TF: variants seen among roughly 807,000 people sequenced by gnomAD.
The protein encoded by TF is serotransferrin.
Under a neutral mutation model 82.4 loss-of-function variants are expected in TF, and 55 were observed. The observed-to-expected ratio is 0.67, with a 90% CI of 0.54 to 0.84. The LOEUF (loss-of-function observed/expected upper bound fraction) is 0.84, where lower values mean the gene tolerates loss of function less well. Ranked by LOEUF, TF falls within the 40% of genes least tolerant of loss-of-function variation. The pLI, the probability that TF is intolerant of heterozygous loss-of-function variation, is 0.00. For missense variants in TF, 737 were observed against 868.4 expected, an observed-to-expected ratio of 0.85 and a Z score of 1.90; for synonymous variants, 332 against 332.6, an observed-to-expected ratio of 1.00 and a Z score of 0.02.
the TF span, among the ~76,000 whole-genome samples, chr3:133,735,856 A>G: frequency 2.6e-5 from 4 of 152,292 alleles, no homozygotes; most frequent in East Asian, 7.7e-4. Context: ...TGACAGGGAG[A>G]ATGGAACCAA....
chr3:133,749,812 G>C (rs192109856), intron 2 of TF, among the ~76,000 whole-genome samples: 4 of 152,316 alleles, frequency 2.6e-5, no homozygotes, highest in African/African-American at 9.6e-5. Context: ...GACAGTGGGG[G>C]AAAGAGCTAG....
chr3:133,763,599 T>A (rs1173062055), intron 9 of TF, among the ~76,000 whole-genome samples: 1 of 152,244 alleles, frequency 6.6e-6, no homozygotes, highest in Non-Finnish European at 1.5e-5. Flanking sequence ...TACTAGAAAG[T>A]ATATTGCCAG....
the TF span, among the ~76,000 whole-genome samples, chr3:133,695,457 A>G: frequency 2.0e-5 from 3 of 152,138 alleles, no homozygotes; most frequent in African/African-American, 7.2e-5. Context: ...CATGTTGCCC[A>G]GAATGGTCTT....
At chr3:133,729,643 C>T in the TF span, among the ~76,000 whole-genome samples, 5 of 152,192 alleles carry the variant, frequency 3.3e-5, no homozygotes, top group East Asian at 1.9e-4. Flanking sequence ...TGTTTCGGCT[C>T]GTGCACAGTG....
intron 14 of TF, chr3:133,774,189 T>C (rs970852252): frequency 3.3e-5 from 5 of 152,168 alleles, no homozygotes; most frequent in Non-Finnish European, 5.9e-5. Context: ...GCTGAGAACA[T>C]AGTATCATAG....
chr3:133,672,190 TCTAG>T, the TF span, among the ~76,000 whole-genome samples: 1 of 152,196 alleles, frequency 6.6e-6, no homozygotes, highest in Non-Finnish European at 1.5e-5. Context: ...TGGATATTTC[TCTAG>T]CTATTTAAGA....
the TF span, among the ~76,000 whole-genome samples, chr3:133,728,532 G>C: frequency 6.6e-6 from 1 of 152,112 alleles, no homozygotes; most frequent in South Asian, 2.1e-4. Flanking sequence ...TCTCTGTATT[G>C]GTTATTCTAG....
rs1431502482 is a variant in TF at position 133,787,845 on chromosome 3, T to A, written c.*9225T>A. ...CTCTAGATACTAAAGAGGTTGCCAA[T>A]GTATGACAAAAATAGTAAAGTAACA... On this transcript the variant is annotated 3_prime_UTR_variant, in exon 17 of 17. Coordinates refer to ENST00000402696, the MANE Select transcript of TF (RefSeq NM_001063.4). 1.3e-5 allele frequency: 2 copies of A among 152,252 alleles called. No homozygotes were observed. The highest frequency in any genetic ancestry group is 2.4e-5 in the African/African-American group (1 of 41,462). 9.4% of individuals were successfully genotyped at this position (152,252 alleles called of 1,614,324 possible). A position where few individuals can be genotyped will look rare whatever the true frequency, so the allele number is the denominator to read the frequency against.
chr3:133,755,431 C>T lies in TF; in HGVS notation c.571C>T (p.Gln191Ter). 1 of 1,614,252 alleles carries T rather than the reference C, an allele frequency of 6.2e-7. No homozygotes were observed. The highest frequency in any genetic ancestry group is 8.5e-7 in the Non-Finnish European group (1 of 1,180,050). Residue 191 changes from glutamine (Q) to a stop codon, truncating the protein, a stop_gained, in exon 5 of 17, where the codon CAA (glutamine) becomes TAA (stop). Transcript: ENST00000402696. LOFTEE classifies it high-confidence loss of function. Reference sequence around the variant, plus strand: ...TGGGACGGACTTCCCCCAGCTGTGTCAACTGTGTCCAGGGTGTGGCTGCTC... The same window carrying T: ...TGGGACGGACTTCCCCCAGCTGTGTTAACTGTGTCCAGGGTGTGGCTGCTC... ...ADGTDFPQLC[Q>*]LCPGCGCSTL...
At chr3:133,668,477 A>T in the TF span, among the ~76,000 whole-genome samples, 2 of 152,122 alleles carry the variant, frequency 1.3e-5, no homozygotes, top group African/African-American at 2.4e-5. Context: ...CAAAATTGAT[A>T]CTGACCAATG....
At chr3:133,749,007 A>G (rs1933590044) in intron 2 of TF, among the ~76,000 whole-genome samples, 1 of 152,008 alleles carries the variant, frequency 6.6e-6, no homozygotes. Context: ...TAAAAAATAT[A>G]AAAATTAGCT....
intron 14 of TF, chr3:133,772,835 C>A (rs560345194): frequency 1.1e-4 from 17 of 152,192 alleles, no homozygotes; most frequent in Non-Finnish European, 2.2e-4. Context: ...GACTTAATAT[C>A]ACATTCCTGA....
chr3:133,709,171 A>G, the TF span, among the ~76,000 whole-genome samples: 5 of 152,212 alleles, frequency 3.3e-5, no homozygotes, highest in African/African-American at 1.2e-4. Flanking sequence ...TCTGGACAGA[A>G]AAACCTAACA....
At chr3:133,664,523 T>C in the TF span, among the ~76,000 whole-genome samples, 2 of 152,116 alleles carry the variant, frequency 1.3e-5, no homozygotes, top group Non-Finnish European at 2.9e-5. Flanking sequence ...GGTTTCACCT[T>C]GTTGGCCAGG....
upstream of TF, among the ~76,000 whole-genome samples, chr3:133,743,803 T>C (rs1664572859): frequency 6.6e-6 from 1 of 152,188 alleles, no homozygotes; most frequent in Admixed American, 6.5e-5. Context: ...CATGGAGCGC[T>C]GTAATGTTAA....
At chr3:133,668,164 C>G in the TF span, among the ~76,000 whole-genome samples, 218 of 152,328 alleles carry the variant, frequency 1.4e-3, 4 homozygotes, top group African/African-American at 5.1e-3. Context: ...CCAAATAGAT[C>G]TGAAGGTTAC....
the TF span, among the ~76,000 whole-genome samples, chr3:133,734,129 G>C: frequency 2.6e-5 from 4 of 152,198 alleles, no homozygotes; most frequent in South Asian, 4.1e-4. Flanking sequence ...TGAGGGATCA[G>C]TGTGAACTCA....
rs1037850711 is a variant in TF at position 133,784,509 on chromosome 3, G to A, written c.*5889G>A. 1.1e-4 allele frequency: 16 copies of A among 145,884 alleles called. No individual in the cohort carries two copies. The highest frequency in any genetic ancestry group is 3.5e-3 in the Middle Eastern group (1 of 288). 9.0% of individuals were successfully genotyped at this position (145,884 alleles called of 1,614,324 possible). On this transcript the variant is annotated 3_prime_UTR_variant, in exon 17 of 17. Transcript: ENST00000402696. ...AATAATAATAATAATAATAATAATAGGACATAAATGGCTTCTGGAGATGAC... is the reference window on the plus strand; with the variant it reads ...AATAATAATAATAATAATAATAATAAGACATAAATGGCTTCTGGAGATGAC...
the TF span, among the ~76,000 whole-genome samples, chr3:133,728,626 G>C: frequency 2.0e-5 from 3 of 152,142 alleles, no homozygotes; most frequent in African/African-American, 7.2e-5. Context: ...GGAGTAGTTT[G>C]ATTGTCTGAA....
Sources: gnomAD v4.1 joint callset for allele counts (sites outside exome capture counted in the v4.1 genomes callset) on GRCh38, gnomAD v4.1.1 for gene constraint, MANE v1.5 for transcripts, NCBI Gene and HGNC (gene_info 2026-07-23, HGNC 2026-07-21) for gene names.